SMAD1: variants seen among roughly 807,000 people sequenced by gnomAD.
The protein encoded by SMAD1 is SMAD family member 1, also known as MAD, mothers against decapentaplegic homolog 1.
In SMAD1, 6 loss-of-function variants were observed where a neutral mutation model predicts 41.6. The observed-to-expected ratio is 0.14, with a 90% CI of 0.08 to 0.28. The LOEUF (loss-of-function observed/expected upper bound fraction) is 0.28. Among genes scored for constraint, SMAD1 ranks in the 10% least tolerant of loss-of-function variants. SMAD1 has a pLI of 1.00. For missense variants in SMAD1, 379 were observed against 582.6 expected (o/e 0.65, Z 3.60); for synonymous variants, 206 against 203.2 (o/e 1.01, Z -0.12).
rs754989497 is a variant in SMAD1 at position 145,542,582 on chromosome 4, C to G, written c.659C>G (p.Ala220Gly). 6.3e-7 allele frequency: 1 copy of G among 1,592,336 alleles called. No homozygotes were observed. Among genetic ancestry groups the G allele is most frequent in the South Asian group, 1.1e-5 (1 of 87,874 alleles). The change falls in exon 4 of 7, where the codon GCT (alanine) becomes GGT (glycine). Residue 220 changes from alanine (A) to glycine (G), a missense_variant and splice_region_variant. Physicochemically the swap from Ala to Gly is moderately conservative, Grantham distance 60 (BLOSUM62 0). Coordinates refer to ENST00000302085, the MANE Select transcript of SMAD1 (RefSeq NM_005900.3). Reference protein sequence around the residue: ...SDPGSPFQMPADTPPPAYLPP... With the variant: ...SDPGSPFQMPGDTPPPAYLPP... ...AATAACTTCTTTAAAAACTTTGTAG[C>G]TGATACGCCCCCACCTGCTTACCTG...
intron 1 of SMAD1, among the ~76,000 whole-genome samples, chr4:145,512,808 A>G (rs528825219): frequency 3.0e-4 from 45 of 152,288 alleles, no homozygotes; most frequent in African/African-American, 1.0e-3. Flanking sequence ...TTAAAATTGT[A>G]GTGGCTAAGG....
chr4:145,519,489 ATT>A (rs1349596073), intron 2 of SMAD1, among the ~76,000 whole-genome samples: 7 of 143,798 alleles, frequency 4.9e-5, no homozygotes, highest in Non-Finnish European at 3.1e-5. Flanking sequence ...CCCCGTCTTA[ATT>A]TTTTTTTTTT....
chr4:145,487,086 CT>C (rs1422656536), intron 1 of SMAD1, among the ~76,000 whole-genome samples: 1 of 152,104 alleles, frequency 6.6e-6, no homozygotes, highest in Admixed American at 6.5e-5. Context: ...AAAATTGATT[CT>C]TTTTCATTCT....
intron 2 of SMAD1, among the ~76,000 whole-genome samples, chr4:145,524,887 A>C (rs985465060): frequency 1.3e-5 from 2 of 152,236 alleles, no homozygotes; most frequent in African/African-American, 4.8e-5. Flanking sequence ...AAACCAGGCC[A>C]ATGTTTCCAA....
intron 1 of SMAD1, among the ~76,000 whole-genome samples, chr4:145,500,758 G>A (rs1362517781): frequency 6.6e-6 from 1 of 152,104 alleles, no homozygotes; most frequent in East Asian, 1.9e-4. Flanking sequence ...TCATTAAACA[G>A]ACAAAAACTA....
intron 6 of SMAD1, among the ~76,000 whole-genome samples, chr4:145,556,294 G>A (rs534312626): frequency 6.6e-6 from 1 of 152,102 alleles, no homozygotes; most frequent in African/African-American, 2.4e-5. Context: ...CAAAGATCTT[G>A]CTATCTGATG....
chr4:145,483,985 T>C (rs1728338127), intron 1 of SMAD1, among the ~76,000 whole-genome samples: 1 of 152,246 alleles, frequency 6.6e-6, no homozygotes, highest in Non-Finnish European at 1.5e-5. Flanking sequence ...TTTTATGTTA[T>C]TTTTACTAAG....
At chr4:145,484,231 C>A (rs527370355) in intron 1 of SMAD1, among the ~76,000 whole-genome samples, 1 of 152,234 alleles carries the variant, frequency 6.6e-6, no homozygotes, top group African/African-American at 2.4e-5. Flanking sequence ...TATAAAAGAT[C>A]TCATTTGTGT....
intron 2 of SMAD1, among the ~76,000 whole-genome samples, chr4:145,536,686 A>G (rs1463073510): frequency 6.6e-6 from 1 of 152,206 alleles, no homozygotes; most frequent in East Asian, 1.9e-4. Flanking sequence ...TATAGCAAAA[A>G]TTTATTCAAG....
intron 1 of SMAD1, among the ~76,000 whole-genome samples, chr4:145,493,856 T>C (rs936583849): frequency 2.0e-5 from 3 of 152,242 alleles, no homozygotes; most frequent in African/African-American, 4.8e-5. Context: ...AAGAGGAGAT[T>C]ATGCATTTGA....
intron 2 of SMAD1, among the ~76,000 whole-genome samples, chr4:145,518,222 A>G (rs76300321): frequency 0.015 from 1,946 of 126,346 alleles, 241 homozygotes; most frequent in African/African-American, 0.045. Flanking sequence ...CACTATGATC[A>G]TGCCTGTAAA....
At chr4:145,519,719 C>T (rs1336626367) in intron 2 of SMAD1, among the ~76,000 whole-genome samples, 9 of 151,702 alleles carry the variant, frequency 5.9e-5, no homozygotes, top group Non-Finnish European at 1.2e-4. Context: ...CTATAGTCAC[C>T]ATGCTGTGCA....
intron 5 of SMAD1, among the ~76,000 whole-genome samples, chr4:145,553,247 C>G (rs2126553927): frequency 6.6e-6 from 1 of 151,492 alleles, no homozygotes; most frequent in South Asian, 2.1e-4. Flanking sequence ...ATGTTATTTT[C>G]TAGAAACCTC....
At chr4:145,492,272 G>A (rs1037248123) in intron 1 of SMAD1, among the ~76,000 whole-genome samples, 2 of 152,140 alleles carry the variant, frequency 1.3e-5, no homozygotes, top group Non-Finnish European at 2.9e-5. Context: ...CAGATTGAAG[G>A]TTCAGTCCCA....
chr4:145,550,109 T>C lies in SMAD1; in HGVS notation c.997+3185T>C, dbSNP rs1402712970. On this transcript the variant is annotated intron_variant, in intron 5 of 6. Coordinates refer to ENST00000302085, the MANE Select transcript of SMAD1 (RefSeq NM_005900.3). ...ATGCCCTTAGTAGTGTACTCAAATA[T>C]ACAATTATAGATAATGGAAATAAGG... Among the ~76,000 whole-genome samples, 4 of 152,198 alleles carry C rather than the reference T, an allele frequency of 2.6e-5. No individual in the cohort carries two copies. The East Asian group carries it at 5.8e-4, about 22-fold the overall frequency.
chr4:145,507,048 A>C (rs1246202666), intron 1 of SMAD1, among the ~76,000 whole-genome samples: 1 of 152,116 alleles, frequency 6.6e-6, no homozygotes, highest in African/African-American at 2.4e-5. Flanking sequence ...AAACGTTCTG[A>C]GTTCAGAACA....
At chr4:145,510,762 A>G (rs1427008552) in intron 1 of SMAD1, among the ~76,000 whole-genome samples, 1 of 152,048 alleles carries the variant, frequency 6.6e-6, no homozygotes, top group African/African-American at 2.4e-5. Context: ...TTCTGTATCT[A>G]TTGATTTTTG....
rs1729896260 is a variant in SMAD1 at position 145,508,258 on chromosome 4, T to A, written c.-176-6180T>A. ...CCTTCCTTCATATCAGCTTGTATCA[T>A]CATCTCCAGCGGATTAAACCCTAGC... On this transcript the variant is annotated intron_variant, in intron 1 of 6. Transcript: ENST00000302085. Among the ~76,000 whole-genome samples, 3 of 152,124 alleles carry A rather than the reference T, an allele frequency of 2.0e-5. No homozygotes were observed. The South Asian group carries it at 6.2e-4, about 31-fold the overall frequency.
chr4:145,482,910 G>A lies in SMAD1; in HGVS notation c.-177+872G>A, dbSNP rs780989179. ...GTTGTTTCTGTAGGAAGGTGGGGGT[G>A]GTGGGCGTGAGAGACAGATGTGGGC... On this transcript the variant is annotated intron_variant, in intron 1 of 6. Coordinates refer to ENST00000302085, the MANE Select transcript of SMAD1 (RefSeq NM_005900.3). This position sits in a 1 kb window ranked among gnomAD's most constrained non-coding sequence, Gnocchi z 4.2. 4 of 152,282 alleles carry A rather than the reference G, an allele frequency of 2.6e-5. No individual in the cohort carries two copies. Among genetic ancestry groups the A allele is most frequent in the Admixed American group, 6.5e-5 (1 of 15,282 alleles). The allele number at this position is 152,282 out of a possible 1,614,324, so 9.4% of individuals were successfully genotyped here.
Sources: allele counts gnomAD v4.1 joint callset (sites outside exome capture counted in the v4.1 genomes callset), GRCh38; gene constraint gnomAD v4.1.1; non-coding constraint Gnocchi (gnomAD v3.1); transcripts MANE v1.5; gene names NCBI Gene and HGNC (gene_info 2026-07-23, HGNC 2026-07-21).